MDM4: variants seen among roughly 807,000 people sequenced by gnomAD.
MDM4 encodes the protein MDM4 regulator of p53.
In MDM4, 2 loss-of-function variants were observed where a neutral mutation model predicts 60.2. The observed-to-expected ratio is 0.03, with a 90% confidence interval of 0.01 to 0.10. The LOEUF (loss-of-function observed/expected upper bound fraction) is 0.10. Among genes scored for constraint, MDM4 ranks in the 10% least tolerant of loss-of-function variants. The pLI is 1.00. For synonymous variants in MDM4, 202 were observed against 198.1 expected, an observed-to-expected ratio of 1.02 and a Z score of -0.17; for missense variants, 447 against 577.5, an observed-to-expected ratio of 0.77 and a Z score of 2.32.
intron 5 of MDM4, among the ~76,000 whole-genome samples, chr1:204,533,133 G>A (rs750473916): frequency 6.6e-6 from 1 of 152,164 alleles, no homozygotes; most frequent in African/African-American, 2.4e-5. Context: ...CTTGATTCTA[G>A]ACCTTCTAAA....
chr1:204,533,167 T>C (rs1011840213), intron 5 of MDM4, among the ~76,000 whole-genome samples: 1 of 152,216 alleles, frequency 6.6e-6, no homozygotes, highest in Non-Finnish European at 1.5e-5. Context: ...CTATTAGGTA[T>C]GTATAGGAAA....
chr1:204,542,722 A>T, intron 7 of MDM4, 62 bp from the exon 8 acceptor site: 1 of 1,261,958 alleles, frequency 7.9e-7, no homozygotes, highest in Non-Finnish European at 1.1e-6. Context: ...AAGTATTCTA[A>T]AGATAGTCTT....
chr1:204,519,472 A>C (rs1321281509), intron 1 of MDM4, among the ~76,000 whole-genome samples: 1 of 152,104 alleles, frequency 6.6e-6, no homozygotes, highest in Non-Finnish European at 1.5e-5. Context: ...GCTCCATTGC[A>C]CTCCAACCTG....
chr1:204,542,742 G>T, intron 7 of MDM4, 42 bp from the exon 8 acceptor site: 1 of 1,431,822 alleles, frequency 7.0e-7, no homozygotes, highest in Non-Finnish European at 9.6e-7. Flanking sequence ...TAGTTATTAC[G>T]TATTGTGCAT....
rs182759960 is a variant in MDM4, at chr1:204,534,729, C to T, written c.343+2483C>T. On this transcript the variant is annotated intron_variant, in intron 5 of 10. Coordinates refer to ENST00000367182, the MANE Select transcript of MDM4 (RefSeq NM_002393.5). ...CTGGTCTTGAACTCCAGGACTCAAG[C>T]GATCCCCCTTCTTCGGCCTCCCAAA... Among the ~76,000 whole-genome samples, 555 of 152,140 alleles carry T rather than the reference C, an allele frequency of 3.6e-3. 1 individual carries two copies. The highest frequency in any genetic ancestry group is 0.014 in the Middle Eastern group (4 of 294).
intron 1 of MDM4, among the ~76,000 whole-genome samples, chr1:204,520,257 G>A (rs1486683239): frequency 2.9e-5 from 4 of 136,288 alleles, no homozygotes; most frequent in Non-Finnish European, 4.6e-5. Context: ...CAGCCTGTGC[G>A]ACAGAGCGAG....
At chr1:204,518,831 A>G (rs1223106345) in intron 1 of MDM4, among the ~76,000 whole-genome samples, 1 of 152,062 alleles carries the variant, frequency 6.6e-6, no homozygotes, top group African/African-American at 2.4e-5. Context: ...ACGCCCAGCT[A>G]ATTTTTGTAT....
Position 204,556,513 on chromosome 1 carries a change from A to C in MDM4, c.*6831A>C, listed in dbSNP as rs779502088. ...GGAGCTCGAGACCAGCCTGGGCAAC[A>C]TGGTGAAACCCTGTCTCTACCAAAA... On this transcript the variant is annotated 3_prime_UTR_variant, in exon 11 of 11. Coordinates refer to ENST00000367182, the MANE Select transcript of MDM4 (RefSeq NM_002393.5). 2.3e-5 allele frequency: 5 copies of C among 214,434 alleles called. No homozygotes were observed. The highest frequency in any genetic ancestry group is 1.8e-4 in the Admixed American group (3 of 17,124). 13.3% of individuals were successfully genotyped at this position (214,434 alleles called of 1,614,324 possible). A position where few individuals can be genotyped will look rare whatever the true frequency, so the allele number is the denominator to read the frequency against.
intron 5 of MDM4, among the ~76,000 whole-genome samples, chr1:204,533,923 T>A (rs1360978563): frequency 6.6e-6 from 1 of 152,102 alleles, no homozygotes; most frequent in Non-Finnish European, 1.5e-5. Context: ...GCTAGGACTA[T>A]AGGTGCATGG....
At chr1:204,536,751 G>T (rs1572493917) in intron 5 of MDM4, among the ~76,000 whole-genome samples, 1 of 152,144 alleles carries the variant, frequency 6.6e-6, no homozygotes, top group East Asian at 1.9e-4. Flanking sequence ...TCTGTACTGT[G>T]TTGTTTTCCT....
At chr1:204,522,422 A>G (rs1469217855) in intron 1 of MDM4, among the ~76,000 whole-genome samples, 3 of 53,448 alleles carry the variant, frequency 5.6e-5, no homozygotes, top group Admixed American at 3.3e-4. Context: ...TTTTTTTGAA[A>G]CAATCTTGCT....
Position 204,556,539 on chromosome 1 carries a change from A to G in MDM4, c.*6857A>G, listed in dbSNP as rs954118822. ...TGGTGAAACCCTGTCTCTACCAAAA[A>G]TACAAAAAAAAAGCTGGGCATGGTG... On this transcript the variant is annotated 3_prime_UTR_variant, in exon 11 of 11. Coordinates refer to ENST00000367182, the MANE Select transcript of MDM4 (RefSeq NM_002393.5). 9.6e-6 allele frequency: 2 copies of G among 207,942 alleles called. No homozygotes were observed. Among genetic ancestry groups the G allele is most frequent in the East Asian group, 7.2e-5 (1 of 13,832 alleles). 12.9% of individuals were successfully genotyped at this position (207,942 alleles called of 1,614,324 possible).
chr1:204,541,280 G>A (rs1258336055), intron 7 of MDM4, among the ~76,000 whole-genome samples: 2 of 152,036 alleles, frequency 1.3e-5, no homozygotes, highest in Non-Finnish European at 2.9e-5. Flanking sequence ...GTAACATAGC[G>A]AGACCTCGTC....
rs1663409879 is a variant in MDM4 at position 204,554,261 on chromosome 1, C to T, written c.*4579C>T. ...TAACTAGATATTTGAGTTTTTTCCC[C>T]TCAGAATTATGTGAATTTCTGATAT... On this transcript the variant is annotated 3_prime_UTR_variant, in exon 11 of 11. Transcript: ENST00000367182. The T allele has an allele frequency of 8.9e-6, 2 of 225,064 alleles. No individual in the cohort carries two copies. Among genetic ancestry groups the T allele is most frequent in the Non-Finnish European group, 1.8e-5 (2 of 113,166 alleles). The allele number at this position is 225,064 out of a possible 1,614,324, so 13.9% of individuals were successfully genotyped here.
In MDM4 at chr1:204,542,901, A is replaced by C. The variant is rs755494629; in HGVS notation, c.629A>C (p.Tyr210Ser). 152 of 1,613,922 alleles carry C rather than the reference A, an allele frequency of 9.4e-5. 1 individual carries two copies. Among genetic ancestry groups the C allele is most frequent in the Admixed American group, 1.7e-4 (10 of 59,994 alleles). Residue 210 changes from tyrosine to serine, a missense_variant, in exon 8 of 11, where the codon TAT (tyrosine) becomes TCT (serine). Tyr to Ser is a moderately radical substitution (Grantham distance 144). This residue lies in a region of MDM4 where 184 missense variants were observed against 179.3 expected (regional missense o/e 1.03). Transcript: ENST00000367182. ...WWFLGNLRSN[Y>S]TPRSNGSTDL... is the part of the protein sequence containing the mutation. ...TTTTTAGGAAACTTGAGAAGCAACT[A>C]TACACCTAGAAGTAATGGCTCAACT...
rs191269903 is a variant in MDM4, at chr1:204,540,866, G to A, written c.512-1918G>A. ...ATAAATTCCCCAAAGTCATTTTATG[G>A]CATGATGGCTTCTAGTCTAGGCATG... On this transcript the variant is annotated intron_variant, in intron 7 of 10. Coordinates refer to ENST00000367182, the MANE Select transcript of MDM4 (RefSeq NM_002393.5). Among the ~76,000 whole-genome samples, 6 of 152,286 alleles carry A rather than the reference G, an allele frequency of 3.9e-5. No homozygotes were observed. The East Asian group carries it at 9.6e-4, about 24-fold the overall frequency.
At chr1:204,537,619 G>A (rs950938591) in intron 6 of MDM4, 122 bp downstream of exon 6, 17 of 724,018 alleles carry the variant, frequency 2.3e-5, no homozygotes, top group Non-Finnish European at 4.1e-5. Context: ...AAAGGTTCTT[G>A]GGAGTTCACA....
chr1:204,544,669 A>G lies in MDM4; in HGVS notation c.807A>G (p.Lys269=). ...AACAAACAAGTGAAGAAGTAGGGAA[A>G]GTAAGTGACAAAAAGGTATGTTGTG... ...DTEQTSEEVG[K]VSDKKVIEVG... The change falls in exon 9 of 11, where the codon AAA becomes AAG. Residue 269 remains lysine (K), a synonymous_variant. Coordinates refer to ENST00000367182, the MANE Select transcript of MDM4 (RefSeq NM_002393.5). The G allele has an allele frequency of 6.2e-7, 1 of 1,612,450 alleles. No homozygotes were observed. Among genetic ancestry groups the G allele is most frequent in the Non-Finnish European group, 8.5e-7 (1 of 1,178,788 alleles).
Position 204,557,163 on chromosome 1 carries a change from T to C in MDM4, c.*7481T>C, listed in dbSNP as rs1339411471. On this transcript the variant is annotated 3_prime_UTR_variant, in exon 11 of 11. Coordinates refer to ENST00000367182, the MANE Select transcript of MDM4 (RefSeq NM_002393.5). ...TTGGTGTACCAAGCTCTGGGGTATA[T>C]ATTCAGAATACCTCATGTTCTGGAA... is the stretch of plus-strand genomic sequence containing the variant. The C allele has an allele frequency of 1.0e-5, 2 of 196,606 alleles. No homozygotes were observed. The highest frequency in any genetic ancestry group is 2.1e-5 in the Non-Finnish European group (2 of 94,762). The allele number at this position is 196,606 out of a possible 1,614,324, so 12.2% of individuals were successfully genotyped here. A position where few individuals can be genotyped will look rare whatever the true frequency, so the allele number is the denominator to read the frequency against.
Sources: gnomAD v4.1 joint callset for allele counts (sites outside exome capture counted in the v4.1 genomes callset) on GRCh38, gnomAD v4.1.1 for gene constraint, gnomAD v4.1.1 regional missense constraint, MANE v1.5 for transcripts, NCBI Gene and HGNC (gene_info 2026-07-23, HGNC 2026-07-21) for gene names.